ITGA2: variants seen among roughly 807,000 people sequenced by gnomAD.
ITGA2 encodes the protein integrin subunit alpha 2, also known as integrin alpha-2.
In ITGA2, 101 loss-of-function variants were observed where a neutral mutation model predicts 146.3. That is an observed-to-expected ratio of 0.69 (90% confidence interval 0.59 to 0.81). ITGA2 has a LOEUF of 0.81. ITGA2 is among the 40% of genes least tolerant of loss of function. The probability of loss-of-function intolerance (pLI) is 0.00; values close to 1 mark genes in which losing one functional copy is unlikely to be tolerated. For missense variants in ITGA2, 1,281 were observed against 1,402.7 expected (o/e 0.91, Z 1.39); for synonymous variants, 477 against 487.1 (o/e 0.98, Z 0.27).
At chr5:53,006,724 G>A (rs988804008) in intron 1 of ITGA2, among the ~76,000 whole-genome samples, 1 of 152,136 alleles carries the variant, frequency 6.6e-6, no homozygotes, top group Non-Finnish European at 1.5e-5. Flanking sequence ...AACAAGTGAA[G>A]CCGAAGTTTC....
intron 14 of ITGA2, among the ~76,000 whole-genome samples, chr5:53,065,381 G>T (rs553715833): frequency 4.0e-5 from 6 of 151,894 alleles, no homozygotes; most frequent in Non-Finnish European, 5.9e-5. Flanking sequence ...AAGTAGATAA[G>T]ATAAAGTATT....
At position 53,066,780 on chromosome 5, in the gene ITGA2, C is replaced by T. The variant is rs561656328; in HGVS notation, c.1944-338C>T. Among the ~76,000 whole-genome samples, 3 of 151,656 alleles carry T rather than the reference C, an allele frequency of 2.0e-5. No homozygotes were observed. In the South Asian group the frequency reaches 6.2e-4, roughly 32 times the overall value. On this transcript the variant is annotated intron_variant, in intron 15 of 29. Transcript: ENST00000296585. ...TAAAACTCAAGAATAATACTTAAGA[C>T]TTTAAAAAAACAAGAAAATATATTT... is the stretch of plus-strand genomic sequence containing the variant.
chr5:53,039,662 C>T, intron 2 of ITGA2, among the ~76,000 whole-genome samples: 1 of 148,318 alleles, frequency 6.7e-6, no homozygotes, highest in Non-Finnish European at 1.5e-5. Context: ...GTCGCTTAAA[C>T]CCGGGAGGTG....
At position 52,998,940 on chromosome 5, in the gene ITGA2, T is replaced by G. The variant is rs145107849; in HGVS notation, c.64+9408T>G. 2.4e-4 allele frequency among the ~76,000 whole-genome samples: 36 copies of G among 152,368 alleles called. No individual in the cohort carries two copies. The East Asian group carries it at 6.5e-3, about 28-fold the overall frequency. On this transcript the variant is annotated intron_variant, in intron 1 of 29. Transcript: ENST00000296585. ...AAATAATTCTATTTGTAAGTGTATC[T>G]GAATTTGCTAAAATATTCCTTTAGT...
At position 53,007,504 on chromosome 5, in the gene ITGA2, GGAGA is replaced by G. The variant is rs558107668; in HGVS notation, c.64+17981_64+17984del. ...ATGCTATTTTGAGAGAGAGAAACGG[GGAGA>G]GAGAGAGAAAAAAAAAAGAGAAAGT... On this transcript the variant is annotated intron_variant, in intron 1 of 29. Coordinates refer to ENST00000296585, the MANE Select transcript of ITGA2 (RefSeq NM_002203.4). Among the ~76,000 whole-genome samples the G allele has an allele frequency of 5.3e-5, 8 of 151,720 alleles. No homozygotes were observed. The South Asian group carries it at 6.3e-4, about 12-fold the overall frequency.
At chr5:53,046,846 G>T (rs979015549) in intron 4 of ITGA2, among the ~76,000 whole-genome samples, 3 of 152,024 alleles carry the variant, frequency 2.0e-5, no homozygotes, top group Non-Finnish European at 2.9e-5. Context: ...CTTAAAGTAG[G>T]AATGTAGTTC....
chr5:53,069,670 A>C (rs944652179), intron 16 of ITGA2, among the ~76,000 whole-genome samples: 1 of 151,950 alleles, frequency 6.6e-6, no homozygotes, highest in Non-Finnish European at 1.5e-5. Context: ...TAAGATAATA[A>C]AATTCACTTT....
At chr5:53,038,832 A>T (rs7736005) in intron 2 of ITGA2, among the ~76,000 whole-genome samples, 104,046 of 152,066 alleles carry the variant, frequency 0.68, 36,082 homozygotes, top group Admixed American at 0.74. Flanking sequence ...GGCTCACACC[A>T]GTAATCCCAG....
chr5:52,995,808 C>T (rs1227321741), intron 1 of ITGA2, among the ~76,000 whole-genome samples: 1 of 152,088 alleles, frequency 6.6e-6, no homozygotes, highest in East Asian at 1.9e-4. Context: ...ATGAGTCAGG[C>T]AAAGGGACTA....
In ITGA2 at chr5:52,989,547, C is replaced by T. The variant is rs1740811082; in HGVS notation, c.64+15C>T. 1 of 1,613,960 alleles carries T rather than the reference C, an allele frequency of 6.2e-7. No individual in the cohort carries two copies. Among genetic ancestry groups the T allele is most frequent in the Non-Finnish European group, 8.5e-7 (1 of 1,179,926 alleles). Reference sequence around the variant, plus strand: ...GCTCAGTCAAGGTAAGCGGGGATTTCGCTCTGCATCGGCTGCAGGAGGGAC... The same window carrying T: ...GCTCAGTCAAGGTAAGCGGGGATTTTGCTCTGCATCGGCTGCAGGAGGGAC... On this transcript the variant is annotated intron_variant, in intron 1 of 29. Transcript: ENST00000296585.
Position 53,090,663 on chromosome 5 carries a change from A to T in ITGA2, c.*64A>T. The T allele has an allele frequency of 8.0e-7, 1 of 1,252,112 alleles. No individual in the cohort carries two copies. Among genetic ancestry groups the T allele is most frequent in the South Asian group, 1.2e-5 (1 of 83,836 alleles). The allele number at this position is 1,252,112 out of a possible 1,614,324, so 77.6% of individuals were successfully genotyped here. A position where few individuals can be genotyped will look rare whatever the true frequency, so the allele number is the denominator to read the frequency against. On this transcript the variant is annotated 3_prime_UTR_variant, in exon 30 of 30. Coordinates refer to ENST00000296585, the MANE Select transcript of ITGA2 (RefSeq NM_002203.4). ...CAGCCAGGGTTTGCTGTTTGCGTGA[A>T]TGGATTTCTTTTTAAATCCCATATT...
At chr5:53,024,028 G>T (rs1742813766) in intron 1 of ITGA2, among the ~76,000 whole-genome samples, 1 of 152,206 alleles carries the variant, frequency 6.6e-6, no homozygotes, top group Admixed American at 6.5e-5. Flanking sequence ...CATGCTTTGT[G>T]AGGAAAAATG....
chr5:53,001,664 G>T (rs1741591414), intron 1 of ITGA2, among the ~76,000 whole-genome samples: 1 of 152,046 alleles, frequency 6.6e-6, no homozygotes, highest in African/African-American at 2.4e-5. Context: ...GCGAGACTCT[G>T]TTTCTACAAA....
At chr5:53,045,142 C>T in intron 4 of ITGA2, 50 bp downstream of exon 4, 1 of 1,352,050 alleles carries the variant, frequency 7.4e-7, no homozygotes, top group South Asian at 1.2e-5. Context: ...AGTACATAGA[C>T]AGTAGTGTCT....
At chr5:52,992,303 C>G (rs891956047) in intron 1 of ITGA2, among the ~76,000 whole-genome samples, 7 of 152,136 alleles carry the variant, frequency 4.6e-5, no homozygotes, top group African/African-American at 1.4e-4. Context: ...CCTGAATCCT[C>G]CTCTTCATTC....
intron 1 of ITGA2, among the ~76,000 whole-genome samples, chr5:53,010,335 C>G (rs544189213): frequency 6.6e-6 from 1 of 152,262 alleles, no homozygotes; most frequent in South Asian, 2.1e-4. Context: ...AACAGAGGCT[C>G]GAACAACAGA....
At chr5:52,996,584 C>T (rs967758883) in intron 1 of ITGA2, among the ~76,000 whole-genome samples, 2 of 152,176 alleles carry the variant, frequency 1.3e-5, no homozygotes, top group African/African-American at 4.8e-5. Flanking sequence ...AAAAAGGTAC[C>T]TCCCATCCTC....
chr5:53,056,731 T>A (rs1744651832), intron 9 of ITGA2, among the ~76,000 whole-genome samples: 1 of 151,872 alleles, frequency 6.6e-6, no homozygotes, highest in Admixed American at 6.6e-5. Context: ...ATAATTTACT[T>A]AGGTGGCCTT....
chr5:53,083,078 A>T (rs1382234665), intron 26 of ITGA2, among the ~76,000 whole-genome samples: 1 of 152,128 alleles, frequency 6.6e-6, no homozygotes, highest in Non-Finnish European at 1.5e-5. Flanking sequence ...TTTGTTCCAC[A>T]TATTGCTGAT....
Sources: gnomAD v4.1 joint callset for allele counts (sites outside exome capture counted in the v4.1 genomes callset) on GRCh38, gnomAD v4.1.1 for gene constraint, MANE v1.5 for transcripts, NCBI Gene and HGNC (gene_info 2026-07-23, HGNC 2026-07-21) for gene names.